SLC4A10: variants seen among roughly 807,000 people sequenced by gnomAD.
The protein encoded by SLC4A10 is sodium-driven chloride bicarbonate exchanger.
Under a neutral mutation model 137.7 loss-of-function variants are expected in SLC4A10, and 42 were observed. That is an observed-to-expected ratio of 0.30 (90% CI 0.24 to 0.39). The LOEUF (loss-of-function observed/expected upper bound fraction) is 0.39. SLC4A10 is among the 10% of genes least tolerant of loss of function. SLC4A10 has a pLI of 1.00. For synonymous variants in SLC4A10, 474 were observed against 464.1 expected (o/e 1.02, Z -0.27); for missense variants, 925 against 1,355.0 (o/e 0.68, Z 4.98).
intron 2 of SLC4A10, among the ~76,000 whole-genome samples, chr2:161,777,155 A>C (rs183137655): frequency 6.6e-6 from 1 of 151,458 alleles, no homozygotes; most frequent in African/African-American, 2.4e-5. Flanking sequence ...TTAATTTTTT[A>C]AAAAATTTAA....
At chr2:161,823,200 A>G (rs963397614) in intron 3 of SLC4A10, among the ~76,000 whole-genome samples, 1 of 152,228 alleles carries the variant, frequency 6.6e-6, no homozygotes, top group Non-Finnish European at 1.5e-5. Context: ...GTACACAAAC[A>G]CTTATAGATT....
chr2:161,678,224 AG>A (rs1226777774), intron 1 of SLC4A10, among the ~76,000 whole-genome samples: 10 of 152,244 alleles, frequency 6.6e-5, no homozygotes, highest in African/African-American at 2.4e-4. Flanking sequence ...GGAGGTGACA[AG>A]GTACAAAATG....
chr2:161,863,106 C>T (rs1559411850), intron 6 of SLC4A10, 44 bp downstream of exon 6: 3 of 1,500,270 alleles, frequency 2.0e-6, no homozygotes, highest in African/African-American at 2.8e-5. Flanking sequence ...CTATAGGTCT[C>T]TGACATATCA....
intron 1 of SLC4A10, 101 bp from the exon 2 acceptor site, chr2:161,770,872 C>A: frequency 1.3e-6 from 1 of 750,452 alleles, no homozygotes. Flanking sequence ...ATTTAAATGA[C>A]TGAATTAAGC....
chr2:161,818,420 C>T (rs2057314242), intron 3 of SLC4A10, among the ~76,000 whole-genome samples: 1 of 152,186 alleles, frequency 6.6e-6, no homozygotes, highest in Non-Finnish European at 1.5e-5. Context: ...ATCATGTCAT[C>T]TGCAAACAGG....
intron 1 of SLC4A10, among the ~76,000 whole-genome samples, chr2:161,715,345 T>G (rs1365625472): frequency 6.6e-6 from 1 of 152,068 alleles, no homozygotes; most frequent in Non-Finnish European, 1.5e-5. Flanking sequence ...ATTGTGACTT[T>G]TATTTGATTT....
At chr2:161,835,139 G>C (rs895750022) in intron 3 of SLC4A10, among the ~76,000 whole-genome samples, 1 of 151,190 alleles carries the variant, frequency 6.6e-6, no homozygotes, top group Non-Finnish European at 1.5e-5. Context: ...CTGGGTTCAA[G>C]CAATTCTTCT....
At chr2:161,758,593 G>C (rs1415216757) in intron 1 of SLC4A10, among the ~76,000 whole-genome samples, 1 of 151,880 alleles carries the variant, frequency 6.6e-6, no homozygotes, top group African/African-American at 2.4e-5. Flanking sequence ...AGACACTTTT[G>C]GCTTATGTAG....
intron 1 of SLC4A10, among the ~76,000 whole-genome samples, chr2:161,658,074 C>A (rs189313644): frequency 6.6e-6 from 1 of 152,074 alleles, no homozygotes; most frequent in Non-Finnish European, 1.5e-5. Flanking sequence ...TCTTTTCCTG[C>A]AAGCAATGAG....
rs546413582 is a variant in SLC4A10, at chr2:161,945,337, A to G, written c.2104-2229A>G. Among the ~76,000 whole-genome samples, 84 of 150,878 alleles carry G rather than the reference A, an allele frequency of 5.6e-4. 2 individuals are homozygous for G. The South Asian group carries it at 0.017, about 31-fold the overall frequency. ...CATTTGGTGTTTCAGTGCCTGAATTACATATTTAGCTTGTACATATATAAG... is the reference window on the plus strand; with the variant it reads ...CATTTGGTGTTTCAGTGCCTGAATTGCATATTTAGCTTGTACATATATAAG... On this transcript the variant is annotated intron_variant, in intron 16 of 26. Coordinates refer to ENST00000446997, the MANE Select transcript of SLC4A10 (RefSeq NM_001178015.2).
chr2:161,767,235 C>CAT (rs72106317), intron 1 of SLC4A10, among the ~76,000 whole-genome samples: 2,261 of 114,722 alleles, frequency 0.02, 28 homozygotes, highest in East Asian at 0.046. Flanking sequence ...TATATATACA[C>CAT]ATATATATAT....
intron 1 of SLC4A10, among the ~76,000 whole-genome samples, chr2:161,643,405 T>A (rs1372075885): frequency 1.3e-5 from 2 of 152,140 alleles, no homozygotes; most frequent in African/African-American, 4.8e-5. Context: ...TTAATTTGAA[T>A]TTTGAATTAC....
At chr2:161,728,193 A>G (rs2046426334) in intron 1 of SLC4A10, among the ~76,000 whole-genome samples, 1 of 152,184 alleles carries the variant, frequency 6.6e-6, no homozygotes, top group African/African-American at 2.4e-5. Context: ...TATACTACCA[A>G]AACTCACCCC....
chr2:161,746,571 C>G (rs2048407424), intron 1 of SLC4A10, among the ~76,000 whole-genome samples: 2 of 151,384 alleles, frequency 1.3e-5, no homozygotes, highest in Admixed American at 6.6e-5. Context: ...CAGCTTCGTG[C>G]TTTATTTTAC....
Position 161,725,913 on chromosome 2 carries a change from A to G in SLC4A10, c.49-45060A>G, listed in dbSNP as rs535756965. On this transcript the variant is annotated intron_variant, in intron 1 of 26. Transcript: ENST00000446997. The stretch of plus-strand genomic sequence containing the variant: ...TTAGAATACTAAACCTACTTCTGGC[A>G]TAATATTTACCATGTATAACATTTA... Among the ~76,000 whole-genome samples, 17 of 152,322 alleles carry G rather than the reference A, an allele frequency of 1.1e-4. No individual in the cohort carries two copies. The South Asian group carries it at 3.5e-3, about 32-fold the overall frequency.
intron 8 of SLC4A10, among the ~76,000 whole-genome samples, chr2:161,878,167 C>T (rs1052197443): frequency 5.3e-5 from 8 of 152,102 alleles, no homozygotes; most frequent in Admixed American, 2.6e-4. Flanking sequence ...ATTCCTCTCT[C>T]GGCTATTCTC....
intron 21 of SLC4A10, among the ~76,000 whole-genome samples, chr2:161,959,402 G>A (rs575238473): frequency 4.6e-5 from 7 of 152,198 alleles, no homozygotes; most frequent in Admixed American, 3.3e-4. Flanking sequence ...GTCAGGGTGT[G>A]GACAAGGTCC....
chr2:161,781,111 A>G (rs2052962492), intron 2 of SLC4A10, among the ~76,000 whole-genome samples: 2 of 152,040 alleles, frequency 1.3e-5, no homozygotes, highest in Admixed American at 1.3e-4. Context: ...TTAAGAGTAA[A>G]AATAGTATCT....
chr2:161,719,430 C>T (rs957918430), intron 1 of SLC4A10, among the ~76,000 whole-genome samples: 1 of 152,140 alleles, frequency 6.6e-6, no homozygotes, highest in Non-Finnish European at 1.5e-5. Flanking sequence ...AATGGGATGG[C>T]TGGGTCAAAT....
Sources: allele counts gnomAD v4.1 joint callset (sites outside exome capture counted in the v4.1 genomes callset), GRCh38; gene constraint gnomAD v4.1.1; transcripts MANE v1.5; gene names NCBI Gene and HGNC (gene_info 2026-07-23, HGNC 2026-07-21).